Variants in TOR1AIP2 observed in about 807,000 individuals in gnomAD.
The protein encoded by TOR1AIP2 is torsin 1A interacting protein 2, also known as torsin-1A-interacting protein 2.
TOR1AIP2 carries 20 observed loss-of-function variants against 32.6 expected under a neutral mutation model. The observed-to-expected ratio is 0.61, with a 90% confidence interval of 0.43 to 0.89. TOR1AIP2 has a LOEUF of 0.89. TOR1AIP2 is among the 40% of genes least tolerant of loss of function. The pLI, the probability that TOR1AIP2 is intolerant of heterozygous loss-of-function variation, is 0.00. For synonymous variants in TOR1AIP2, 214 were observed against 210.8 expected, an observed-to-expected ratio of 1.02 and a Z score of -0.13; for missense variants, 456 against 553.8, an observed-to-expected ratio of 0.82 and a Z score of 1.77.
chr1:179,863,945 T>G lies in TOR1AIP2; in HGVS notation c.-147+1491A>C, dbSNP rs550509697. On this transcript the variant is annotated intron_variant, in intron 3 of 6. Coordinates refer to ENST00000609928, the MANE Select transcript of TOR1AIP2 (RefSeq NM_001199260.2). ...CCTCCTTAGTTCTAAGAAAGATGCT[T>G]CCTCTAGACTGTTCATAATATATAT... 3.0e-6 allele frequency: 3 copies of G among 985,412 alleles called. No homozygotes were observed. The African/African-American group carries it at 5.2e-5, about 17-fold the overall frequency. 61.0% of individuals were successfully genotyped at this position (985,412 alleles called of 1,614,324 possible).
At chr1:179,868,375 C>T (rs1415508944) in intron 2 of TOR1AIP2, 2 of 152,078 alleles carry the variant, frequency 1.3e-5, no homozygotes, top group Non-Finnish European at 1.5e-5. Flanking sequence ...CTATTTACTG[C>T]TATAGTGTCC....
In TOR1AIP2 at chr1:179,844,878, TAAAAC is replaced by T. The variant is rs1163499809; in HGVS notation, c.*1188_*1192del. On this transcript the variant is annotated 3_prime_UTR_variant, in exon 7 of 7. Transcript: ENST00000609928. ...GTTATTCAAAAATAAATTTTTAAAA[TAAAAC>T]AAATAAATTGGTTATTAAAATCTGT... 5 of 152,132 alleles carry T rather than the reference TAAAAC, an allele frequency of 3.3e-5. No individual in the cohort carries two copies. Among genetic ancestry groups the T allele is most frequent in the African/African-American group, 7.2e-5 (3 of 41,450 alleles). The allele number at this position is 152,132 out of a possible 1,614,324, so 9.4% of individuals were successfully genotyped here.
intron 2 of TOR1AIP2, chr1:179,868,873 A>T (rs769337091): frequency 6.6e-6 from 1 of 152,170 alleles, no homozygotes; most frequent in Non-Finnish European, 1.5e-5. Flanking sequence ...ACGGAGTTTC[A>T]CTCTTGTTGC....
chr1:179,866,321 T>C (rs1696768990), intron 2 of TOR1AIP2, among the ~76,000 whole-genome samples: 1 of 151,824 alleles, frequency 6.6e-6, no homozygotes, highest in Non-Finnish European at 1.5e-5. Flanking sequence ...CCATAGAAAG[T>C]TGAATGAAAT....
At chr1:179,860,439 G>A (rs943434635) in intron 3 of TOR1AIP2, 13 of 977,502 alleles carry the variant, frequency 1.3e-5, no homozygotes, top group African/African-American at 7.0e-5. Flanking sequence ...CCATGATGGC[G>A]CCACTGCACT....
chr1:179,866,117 T>C (rs1696760082), intron 2 of TOR1AIP2, among the ~76,000 whole-genome samples: 2 of 152,168 alleles, frequency 1.3e-5, no homozygotes, highest in African/African-American at 4.8e-5. Context: ...AATAATAAGG[T>C]CTGTATAATC....
chr1:179,860,390 G>C (rs910642045), intron 3 of TOR1AIP2: 1 of 861,832 alleles, frequency 1.2e-6, no homozygotes, highest in African/African-American at 1.8e-5. Flanking sequence ...GCTGAAGTGG[G>C]AGGATCACTT....
In TOR1AIP2 at chr1:179,861,866, GTT is replaced by G. The variant is rs982352804; in HGVS notation, c.-147+3568_-147+3569del. The G allele has an allele frequency of 1.3e-5, 12 of 919,422 alleles. No individual in the cohort carries two copies. The African/African-American group carries it at 2.2e-4, about 17-fold the overall frequency. The allele number at this position is 919,422 out of a possible 1,614,324, so 57.0% of individuals were successfully genotyped here. Reference sequence around the variant, plus strand: ...AGGTACTATTTATATCTTTTATGTTGTTTTTTTTTCTTGAAAGAGACAGTGGT... The same window carrying G: ...AGGTACTATTTATATCTTTTATGTTGTTTTTTTCTTGAAAGAGACAGTGGT... On this transcript the variant is annotated intron_variant, in intron 3 of 6. Coordinates refer to ENST00000609928, the MANE Select transcript of TOR1AIP2 (RefSeq NM_001199260.2).
chr1:179,850,807 A>C, intron 5 of TOR1AIP2, 38 bp downstream of exon 5: 1 of 1,581,948 alleles, frequency 6.3e-7, no homozygotes, highest in Non-Finnish European at 8.6e-7. Context: ...TTAACAGAGC[A>C]GTACAAAACA....
chr1:179,850,808 G>A (rs758026520), intron 5 of TOR1AIP2, 37 bp downstream of exon 5: 1 of 1,592,902 alleles, frequency 6.3e-7, no homozygotes, highest in Admixed American at 1.7e-5. Context: ...TAACAGAGCA[G>A]TACAAAACAG....
intron 2 of TOR1AIP2, among the ~76,000 whole-genome samples, chr1:179,870,152 T>C (rs1234567944): frequency 6.6e-6 from 1 of 152,170 alleles, no homozygotes; most frequent in Admixed American, 6.5e-5. Context: ...ATCCCAGCAC[T>C]TTGGGAGGCC....
In TOR1AIP2 at chr1:179,843,033, A is replaced by G. The variant is rs1695773078; in HGVS notation, c.*3038T>C. On this transcript the variant is annotated 3_prime_UTR_variant, in exon 7 of 7. Transcript: ENST00000609928. ...CACTGCACTCCAGCCTGGGCAACAG[A>G]GCAAGACTCCATCTCAAAAAAAAAA... 7.0e-6 allele frequency: 1 copy of G among 143,628 alleles called. No individual in the cohort carries two copies. The highest frequency in any genetic ancestry group is 2.7e-5 in the African/African-American group (1 of 37,618). 8.9% of individuals were successfully genotyped at this position (143,628 alleles called of 1,614,324 possible).
At position 179,841,749 on chromosome 1, in the gene TOR1AIP2, ACCTG is replaced by A. The variant is rs1484410644; in HGVS notation, c.*4318_*4321del. 2 of 152,256 alleles carry A rather than the reference ACCTG, an allele frequency of 1.3e-5. No homozygotes were observed. Among genetic ancestry groups the A allele is most frequent in the Admixed American group, 6.5e-5 (1 of 15,288 alleles). The allele number at this position is 152,256 out of a possible 1,614,324, so 9.4% of individuals were successfully genotyped here. A position where few individuals can be genotyped will look rare whatever the true frequency, so the allele number is the denominator to read the frequency against. ...AACATTCATTTTTGAAGTGCCAGAG[ACCTG>A]CCTATGTCGCATAAAGTTTGGTCAG... is the stretch of plus-strand genomic sequence containing the variant. On this transcript the variant is annotated 3_prime_UTR_variant, in exon 7 of 7. Transcript: ENST00000609928.
In TOR1AIP2 at chr1:179,841,794, G is replaced by C. The variant is rs116518856; in HGVS notation, c.*4277C>G. 6.6e-6 allele frequency: 1 copy of C among 152,226 alleles called. No homozygotes were observed. Among genetic ancestry groups the C allele is most frequent in the East Asian group, 1.9e-4 (1 of 5,208 alleles). 9.4% of individuals were successfully genotyped at this position (152,226 alleles called of 1,614,324 possible). On this transcript the variant is annotated 3_prime_UTR_variant, in exon 7 of 7. Transcript: ENST00000609928. ...GTTTGGTCAGATATATGCAAATGCA[G>C]TGTTGGTGAAGATCATCTGAATAAT... is the stretch of plus-strand genomic sequence containing the variant.
At chr1:179,862,077 G>C in intron 3 of TOR1AIP2, 1 of 985,346 alleles carries the variant, frequency 1.0e-6, no homozygotes, top group South Asian at 4.7e-5. Context: ...AGCAGACCAA[G>C]AAATCTCCAT....
At chr1:179,858,097 G>A (rs1052065338) in intron 3 of TOR1AIP2, among the ~76,000 whole-genome samples, 1 of 151,448 alleles carries the variant, frequency 6.6e-6, no homozygotes, top group Non-Finnish European at 1.5e-5. Context: ...CAAGGCTGCA[G>A]GGAGCTAAGA....
intron 4 of TOR1AIP2, among the ~76,000 whole-genome samples, chr1:179,852,031 A>T (rs1290175890): frequency 6.6e-6 from 1 of 152,250 alleles, no homozygotes; most frequent in East Asian, 1.9e-4. Context: ...ATGTAATCCC[A>T]GCACTTTGGG....
intron 3 of TOR1AIP2, chr1:179,864,003 A>G (rs1057368326): frequency 1.1e-5 from 11 of 985,316 alleles, no homozygotes; most frequent in African/African-American, 1.7e-5. Context: ...TTTGTCATAC[A>G]TCTCCTGATA....
At chr1:179,858,694 T>C (rs1216173726) in intron 3 of TOR1AIP2, among the ~76,000 whole-genome samples, 1 of 152,170 alleles carries the variant, frequency 6.6e-6, no homozygotes, top group East Asian at 1.9e-4. Context: ...CCTAGACATT[T>C]TGTCACAACC....
Sources: gnomAD v4.1 joint callset for allele counts (sites outside exome capture counted in the v4.1 genomes callset) on GRCh38, gnomAD v4.1.1 for gene constraint, MANE v1.5 for transcripts, NCBI Gene and HGNC (gene_info 2026-07-23, HGNC 2026-07-21) for gene names.